The following PARD3B variants were observed in gnomAD, a reference collection of about 807,000 sequenced individuals.
PARD3B encodes par-3 family cell polarity regulator beta.
In PARD3B, 103 loss-of-function variants were observed where a neutral mutation model predicts 130.2. That is an observed-to-expected ratio of 0.79 (90% CI 0.67 to 0.93). The LOEUF is 0.93. Ranked by LOEUF, PARD3B falls within the 40% of genes least tolerant of loss-of-function variation. PARD3B has a pLI of 0.00. For synonymous variants in PARD3B, 583 were observed against 553.2 expected (o/e 1.05, Z -0.76); for missense variants, 1,609 against 1,499.2 (o/e 1.07, Z -1.21).
chr2:205,417,574 A>G (rs1358351587), intron 19 of PARD3B, among the ~76,000 whole-genome samples: 1 of 152,220 alleles, frequency 6.6e-6, no homozygotes, highest in Admixed American at 6.5e-5. Context: ...CTTTATTTTC[A>G]GGAGGAATAC....
chr2:205,204,212 A>G (rs1574378974), intron 15 of PARD3B, among the ~76,000 whole-genome samples: 1 of 152,148 alleles, frequency 6.6e-6, no homozygotes, highest in East Asian at 1.9e-4. Flanking sequence ...AGTGATGATG[A>G]GCTTTTCTTC....
At chr2:205,487,799 C>G in intron 20 of PARD3B, among the ~76,000 whole-genome samples, 1 of 152,298 alleles carries the variant, frequency 6.6e-6, no homozygotes. Flanking sequence ...ATTCTTAAAA[C>G]TCAACTGTGT....
intron 2 of PARD3B, among the ~76,000 whole-genome samples, chr2:204,901,936 G>A (rs752763815): frequency 1.3e-5 from 2 of 152,054 alleles, no homozygotes; most frequent in Non-Finnish European, 2.9e-5. Flanking sequence ...AGTCTGCCTA[G>A]TGCCCTATTC....
chr2:205,234,857 A>T (rs1227883858), intron 15 of PARD3B, among the ~76,000 whole-genome samples: 2 of 152,226 alleles, frequency 1.3e-5, no homozygotes, highest in African/African-American at 2.4e-5. Context: ...GCATAGTAAA[A>T]TTAAATTAGA....
rs3077829 is a variant in PARD3B, at chr2:205,575,084, G to GACACACAC, written c.3260+21704_3260+21711dup. Among the ~76,000 whole-genome samples, 5,904 of 128,514 alleles carry GACACACAC rather than the reference G, an allele frequency of 0.046. 197 individuals are homozygous for GACACACAC. Among genetic ancestry groups the GACACACAC allele is most frequent in the African/African-American group, 0.093 (3,506 of 37,748 alleles). The allele number at this position is 128,514 out of a possible 152,430, so 84.3% of individuals were successfully genotyped here. A position where few individuals can be genotyped will look rare whatever the true frequency, so the allele number is the denominator to read the frequency against. ...AATACATTATATACACATTTAAATAGACACACACACACACACACACACACA... is the reference window on the plus strand; with the variant it reads ...AATACATTATATACACATTTAAATAGACACACACACACACACACACACACACACACACA... On this transcript the variant is annotated intron_variant, in intron 22 of 22. Coordinates refer to ENST00000406610, the MANE Select transcript of PARD3B (RefSeq NM_001302769.2). The surrounding 1 kb of genome is among the most constrained non-coding windows in gnomAD (Gnocchi z 4.6).
intron 19 of PARD3B, among the ~76,000 whole-genome samples, chr2:205,428,870 G>C (rs1010719573): frequency 6.6e-6 from 1 of 152,048 alleles, no homozygotes; most frequent in African/African-American, 2.4e-5. Context: ...CAGTGGCAGT[G>C]AGCACGCCTA....
chr2:204,916,687 A>AT (rs927950664), intron 2 of PARD3B, among the ~76,000 whole-genome samples: 1 of 152,074 alleles, frequency 6.6e-6, no homozygotes, highest in Non-Finnish European at 1.5e-5. Flanking sequence ...GGAAACTGTA[A>AT]TTAGAACTAA....
At chr2:205,259,926 A>G (rs978136934) in intron 16 of PARD3B, among the ~76,000 whole-genome samples, 2 of 152,166 alleles carry the variant, frequency 1.3e-5, no homozygotes, top group African/African-American at 2.4e-5. Context: ...TACATTTCAT[A>G]TACATGTTGT....
Position 204,643,469 on chromosome 2 carries a change from C to T in PARD3B, c.121-42712C>T, listed in dbSNP as rs147106355. 2.2e-3 allele frequency among the ~76,000 whole-genome samples: 338 copies of T among 152,240 alleles called. 1 individual carries two copies. The highest frequency in any genetic ancestry group is 7.5e-3 in the African/African-American group (311 of 41,536). ...TACAGTAGAACTGAGTGTCTTTCTACGAATTTGACTCCTTAGCTTGAAGGT... is the reference window on the plus strand; with the variant it reads ...TACAGTAGAACTGAGTGTCTTTCTATGAATTTGACTCCTTAGCTTGAAGGT... On this transcript the variant is annotated intron_variant, in intron 1 of 22. Coordinates refer to ENST00000406610, the MANE Select transcript of PARD3B (RefSeq NM_001302769.2).
intron 2 of PARD3B, among the ~76,000 whole-genome samples, chr2:204,688,800 G>A (rs1403200903): frequency 6.6e-6 from 1 of 151,928 alleles, no homozygotes; most frequent in African/African-American, 2.4e-5. Context: ...CCTTTGAGGC[G>A]GTATTGAGCT....
intron 22 of PARD3B, among the ~76,000 whole-genome samples, chr2:205,606,688 G>A (rs1305154336): frequency 6.6e-6 from 1 of 152,178 alleles, no homozygotes; most frequent in Non-Finnish European, 1.5e-5. Flanking sequence ...CTCTTGACAA[G>A]CCAGCATCAG....
At chr2:205,574,852 G>T (rs571958880) in intron 22 of PARD3B, among the ~76,000 whole-genome samples, 1 of 69,340 alleles carries the variant, frequency 1.4e-5, no homozygotes, top group South Asian at 7.3e-4. Context: ...AGTCACTGAG[G>T]AGTAAAAAAA....
chr2:204,690,880 A>G (rs182142913), intron 2 of PARD3B, among the ~76,000 whole-genome samples: 60 of 152,268 alleles, frequency 3.9e-4, no homozygotes, highest in African/African-American at 1.3e-3. Flanking sequence ...TGTACTTCAG[A>G]TGGGTTCCTT....
At position 205,521,975 on chromosome 2, in the gene PARD3B, G is replaced by C. The variant is rs140658457; in HGVS notation, c.3180+21944G>C. ...GACACCTTTTTCAGCTTTTCTGATA[G>C]ATACAGATATTTGGAAAAGGAGATT... On this transcript the variant is annotated intron_variant, in intron 21 of 22. Transcript: ENST00000406610. 7.4e-3 allele frequency among the ~76,000 whole-genome samples: 1,118 copies of C among 152,034 alleles called. 5 individuals carry two copies. Among genetic ancestry groups the C allele is most frequent in the Admixed American group, 0.012 (186 of 15,272 alleles).
At chr2:204,994,842 CTTT>C (rs1446919896) in intron 3 of PARD3B, among the ~76,000 whole-genome samples, 1 of 151,476 alleles carries the variant, frequency 6.6e-6, no homozygotes, top group Non-Finnish European at 1.5e-5. Flanking sequence ...TAATGGCCTT[CTTT>C]GTCTCTTTTG....
At chr2:205,368,979 A>C (rs1196420306) in intron 18 of PARD3B, among the ~76,000 whole-genome samples, 5 of 151,994 alleles carry the variant, frequency 3.3e-5, no homozygotes, top group Admixed American at 3.3e-4. Flanking sequence ...CCTGTACTTC[A>C]GTTCTTTTTC....
rs549138518 is a variant in PARD3B at position 204,675,032 on chromosome 2, G to A, written c.121-11149G>A. Among the ~76,000 whole-genome samples the A allele has an allele frequency of 3.3e-5, 5 of 152,138 alleles. No homozygotes were observed. Among genetic ancestry groups the A allele is most frequent in the Non-Finnish European group, 7.4e-5 (5 of 68,018 alleles). On this transcript the variant is annotated intron_variant, in intron 1 of 22. Transcript: ENST00000406610. This position sits in a 1 kb window ranked among gnomAD's most constrained non-coding sequence, Gnocchi z 4.4. ...AGCTTGCTCTTCTCTTTGGAGAGATGGCTCCTTCCACTTTTTAGGTGTAGG... is the reference window on the plus strand; with the variant it reads ...AGCTTGCTCTTCTCTTTGGAGAGATAGCTCCTTCCACTTTTTAGGTGTAGG...
intron 2 of PARD3B, among the ~76,000 whole-genome samples, chr2:204,744,632 G>A (rs1017846373): frequency 2.6e-4 from 40 of 152,082 alleles, no homozygotes; most frequent in Non-Finnish European, 5.6e-4. Context: ...GTGGCCTTGG[G>A]CAGAAGAAAA....
rs1372830304 is a variant in PARD3B, at chr2:205,125,910, T to C, written c.1434+173T>C. Among the ~76,000 whole-genome samples the C allele has an allele frequency of 6.6e-6, 1 of 152,236 alleles. No homozygotes were observed. Among genetic ancestry groups the C allele is most frequent in the Non-Finnish European group, 1.5e-5 (1 of 68,046 alleles). ...GGGTATCGCATTTTTAAAACATTGA[T>C]ACAGCCAGTGGGTATATGTAAACAG... On this transcript the variant is annotated intron_variant, in intron 10 of 22. Coordinates refer to ENST00000406610, the MANE Select transcript of PARD3B (RefSeq NM_001302769.2). This position sits in a 1 kb window ranked among gnomAD's most constrained non-coding sequence, Gnocchi z 4.0.
Sources: gnomAD v4.1 joint callset for allele counts (sites outside exome capture counted in the v4.1 genomes callset) on GRCh38, gnomAD v4.1.1 for gene constraint, Gnocchi (gnomAD v3.1) non-coding constraint, MANE v1.5 for transcripts, NCBI Gene and HGNC (gene_info 2026-07-23, HGNC 2026-07-21) for gene names.